KATNBL1: variants seen among roughly 807,000 people sequenced by gnomAD.
The protein encoded by KATNBL1 is KATNB1-like protein 1.
In KATNBL1, 28 loss-of-function variants were observed where a neutral mutation model predicts 44.7. The observed-to-expected ratio is 0.63, with a 90% CI of 0.46 to 0.86. The LOEUF is 0.86. Ranked by LOEUF, KATNBL1 falls within the 40% of genes least tolerant of loss-of-function variation. KATNBL1 has a pLI of 0.00. For synonymous variants in KATNBL1, 78 were observed against 114.9 expected (o/e 0.68, Z 2.06); for missense variants, 272 against 350.7 (o/e 0.78, Z 1.79).
intron 2 of KATNBL1, among the ~76,000 whole-genome samples, chr15:34,156,269 G>A (rs1888635079): frequency 6.6e-6 from 1 of 152,162 alleles, no homozygotes; most frequent in South Asian, 2.1e-4. Flanking sequence ...GGCCCTCGGG[G>A]GCTAACCTGT....
chr15:34,193,216 C>CAAAAAAAAAAAAAA (rs34216208), intron 1 of KATNBL1, among the ~76,000 whole-genome samples: 3 of 66,350 alleles, frequency 4.5e-5, no homozygotes, highest in East Asian at 5.1e-4. Flanking sequence ...GACTCCGTCT[C>CAAAAAAAAAAAAAA]AAAAAAAAAA....
chr15:34,185,700 T>C (rs1482124060), intron 1 of KATNBL1, among the ~76,000 whole-genome samples: 1 of 152,090 alleles, frequency 6.6e-6, no homozygotes, highest in East Asian at 1.9e-4. Flanking sequence ...GTGCTGCAGC[T>C]CAGGAAATGG....
chr15:34,156,579 G>A (rs939326206), intron 2 of KATNBL1, among the ~76,000 whole-genome samples: 3 of 152,154 alleles, frequency 2.0e-5, no homozygotes, highest in Non-Finnish European at 4.4e-5. Flanking sequence ...AGCTACCTTC[G>A]TCTTGTCATT....
At position 34,162,068 on chromosome 15, in the gene KATNBL1, A is replaced by T. The variant is rs111471308; in HGVS notation, c.117+1492T>A. 6.4e-3 allele frequency among the ~76,000 whole-genome samples: 973 copies of T among 152,332 alleles called. 11 individuals carry two copies. The highest frequency in any genetic ancestry group is 0.022 in the African/African-American group (919 of 41,570). On this transcript the variant is annotated intron_variant, in intron 2 of 9. Transcript: ENST00000256544. The stretch of plus-strand genomic sequence containing the variant: ...ATTCAACAGATAAGTTTTTCAGATT[A>T]ATGTTTTCTCTGTTCTAATTCTGTA...
intron 1 of KATNBL1, among the ~76,000 whole-genome samples, chr15:34,202,580 C>A (rs1333369016): frequency 6.6e-6 from 1 of 152,160 alleles, no homozygotes; most frequent in East Asian, 1.9e-4. Flanking sequence ...AAAATGCCTC[C>A]TCTCTCAGGG....
chr15:34,202,185 C>G (rs2141004184), intron 1 of KATNBL1, among the ~76,000 whole-genome samples: 1 of 152,252 alleles, frequency 6.6e-6, no homozygotes, highest in African/African-American at 2.4e-5. Flanking sequence ...CTGATACTTT[C>G]AAAACCAATA....
intron 1 of KATNBL1, among the ~76,000 whole-genome samples, chr15:34,196,600 C>G (rs1890036791): frequency 6.6e-6 from 1 of 151,282 alleles, no homozygotes; most frequent in Admixed American, 6.6e-5. Context: ...TGGCGGCAGG[C>G]ACCTGTAATC....
chr15:34,162,316 T>G lies in KATNBL1; in HGVS notation c.117+1244A>C, dbSNP rs531939930. On this transcript the variant is annotated intron_variant, in intron 2 of 9. Transcript: ENST00000256544. Reference sequence around the variant, plus strand: ...ATAAGTCTCACGAGATCTGATGGTTTTATAAGGGGAAACCCCTTTCAATTG... The same window carrying G: ...ATAAGTCTCACGAGATCTGATGGTTGTATAAGGGGAAACCCCTTTCAATTG... 3.3e-5 allele frequency among the ~76,000 whole-genome samples: 5 copies of G among 152,314 alleles called. No individual in the cohort carries two copies. The South Asian group carries it at 1.0e-3, about 32-fold the overall frequency.
chr15:34,194,616 C>T (rs1257790849), intron 1 of KATNBL1, among the ~76,000 whole-genome samples: 4 of 152,042 alleles, frequency 2.6e-5, no homozygotes, highest in African/African-American at 4.8e-5. Context: ...AGAGCAGGAC[C>T]GTGTGGAGGT....
chr15:34,146,873 A>G, intron 7 of KATNBL1, 23 bp from the exon 8 acceptor site: 1 of 1,457,312 alleles, frequency 6.9e-7, no homozygotes, highest in African/African-American at 1.4e-5. Context: ...TTTGTTACAA[A>G]ATTCAAGTGT....
chr15:34,193,876 A>AAAAAAAAAAAAAAC, intron 1 of KATNBL1, among the ~76,000 whole-genome samples: 1 of 150,998 alleles, frequency 6.6e-6, no homozygotes, highest in Non-Finnish European at 1.5e-5. Flanking sequence ...AAAAAAAAAA[A>AAAAAAAAAAAAAAC]AAAATCACCA....
chr15:34,146,857 T>C lies in KATNBL1; in HGVS notation c.699-7A>G, dbSNP rs1427905767. On this transcript the variant is annotated splice_region_variant and splice_polypyrimidine_tract_variant and intron_variant, in intron 7 of 9. Transcript: ENST00000256544. ...TAAACCAACTATAACATATCTGAAA[T>C]GACATTTTGTTACAAAATTCAAGTG... The C allele has an allele frequency of 2.6e-6, 4 of 1,548,186 alleles. No individual in the cohort carries two copies. The highest frequency in any genetic ancestry group is 2.3e-5 in the South Asian group (2 of 88,432).
chr15:34,183,676 A>C (rs915102157), intron 1 of KATNBL1, among the ~76,000 whole-genome samples: 2 of 152,226 alleles, frequency 1.3e-5, no homozygotes, highest in African/African-American at 2.4e-5. Flanking sequence ...GGGAATAAAT[A>C]AGTTAATTAC....
chr15:34,198,596 A>T (rs1435929826), intron 1 of KATNBL1, among the ~76,000 whole-genome samples: 1 of 152,242 alleles, frequency 6.6e-6, no homozygotes, highest in African/African-American at 2.4e-5. Context: ...TATTTCCATA[A>T]CTAATACAAA....
intron 4 of KATNBL1, among the ~76,000 whole-genome samples, chr15:34,150,267 T>A (rs1233816405): frequency 1.1e-4 from 16 of 152,218 alleles, no homozygotes; most frequent in Admixed American, 1.0e-3. Flanking sequence ...GGGTAGTTTT[T>A]AAAATGCACA....
chr15:34,169,739 C>T (rs933098560), intron 1 of KATNBL1, among the ~76,000 whole-genome samples: 1 of 152,152 alleles, frequency 6.6e-6, no homozygotes, highest in African/African-American at 2.4e-5. Flanking sequence ...CCTTATCCAC[C>T]ACGATCAAGT....
At chr15:34,180,783 C>T (rs751057978) in intron 1 of KATNBL1, among the ~76,000 whole-genome samples, 1 of 152,082 alleles carries the variant, frequency 6.6e-6, no homozygotes, top group South Asian at 2.1e-4. Context: ...TTCTTTCAGG[C>T]AGGGCACAGT....
rs1889137141 is a variant in KATNBL1, at chr15:34,170,852, T to TA, written c.-14-7163dup. ...AATGGGGAAAGGATTCCCTATTTCA[T>TA]AAACGGTGCTGGGAAAACTGGCTAG... On this transcript the variant is annotated intron_variant, in intron 1 of 9. Transcript: ENST00000256544. Among the ~76,000 whole-genome samples the TA allele has an allele frequency of 2.0e-5, 3 of 152,202 alleles. No homozygotes were observed. In the South Asian group the frequency reaches 6.2e-4, roughly 31 times the overall value.
chr15:34,152,443 C>A (rs555329235), intron 4 of KATNBL1, among the ~76,000 whole-genome samples: 1 of 152,216 alleles, frequency 6.6e-6, no homozygotes, highest in African/African-American at 2.4e-5. Flanking sequence ...ACCTCGTGAT[C>A]CACCCACCTC....
Sources: gnomAD v4.1 joint callset for allele counts (sites outside exome capture counted in the v4.1 genomes callset) on GRCh38, gnomAD v4.1.1 for gene constraint, MANE v1.5 for transcripts, NCBI Gene and HGNC (gene_info 2026-07-23, HGNC 2026-07-21) for gene names.